The following CHMP1A variants were observed in gnomAD, a reference collection of about 807,000 sequenced individuals.
CHMP1A encodes the protein VPS46 homolog A.
Under a neutral mutation model 27.0 loss-of-function variants are expected in CHMP1A, and 17 were observed. The observed-to-expected ratio is 0.63, with a 90% confidence interval of 0.43 to 0.95. CHMP1A has a LOEUF of 0.95. Ranked by LOEUF, CHMP1A falls within the 40% of genes least tolerant of loss-of-function variation. CHMP1A has a pLI of 0.00. For missense variants in CHMP1A, 275 were observed against 264.0 expected (o/e 1.04, Z -0.29); for synonymous variants, 131 against 107.5 (o/e 1.22, Z -1.35).
intron 1 of CHMP1A, among the ~76,000 whole-genome samples, chr16:89,656,525 T>C (rs1038139638): frequency 7.2e-5 from 11 of 152,262 alleles, no homozygotes; most frequent in Admixed American, 4.6e-4. Flanking sequence ...AGATTCTTCC[T>C]GTTCTTTGGT....
rs777860012 is a variant in CHMP1A at position 89,656,426 on chromosome 16, C to T, written c.7+1156G>A. Among the ~76,000 whole-genome samples, 10 of 152,242 alleles carry T rather than the reference C, an allele frequency of 6.6e-5. No individual in the cohort carries two copies. In the South Asian group the frequency reaches 8.3e-4, roughly 13 times the overall value. On this transcript the variant is annotated intron_variant, in intron 1 of 6. Transcript: ENST00000397901. The stretch of plus-strand genomic sequence containing the variant: ...TGCTGGGATTACAGGCGTGAGCCAC[C>T]GCGCCCAGCCCTTCAAAAAGTATTT...
intron 4 of CHMP1A, chr16:89,649,043 A>T (rs2059803607): frequency 3.3e-6 from 1 of 305,562 alleles, no homozygotes; most frequent in African/African-American, 2.2e-5. Flanking sequence ...ATATTTAAAA[A>T]AAAAAAAGCC....
rs1248258367 is a variant in CHMP1A at position 89,651,568 on chromosome 16, C to A, written c.105+1G>T. On this transcript the variant is annotated splice_donor_variant, in intron 3 of 6. Transcript: ENST00000397901. LOFTEE classifies it high-confidence loss of function. Reference sequence around the variant, plus strand: ...TGACCCCACAGCCCCCAGGGTCTCACCTTCTTCACTTTGGCCTGCTCCGCC... The same window carrying A: ...TGACCCCACAGCCCCCAGGGTCTCAACTTCTTCACTTTGGCCTGCTCCGCC... 6.2e-7 allele frequency: 1 copy of A among 1,613,646 alleles called. No homozygotes were observed. The highest frequency in any genetic ancestry group is 8.5e-7 in the Non-Finnish European group (1 of 1,179,712).
Position 89,651,815 on chromosome 16 carries a change from G to A in CHMP1A, c.28-169C>T, listed in dbSNP as rs12599306. Among the ~76,000 whole-genome samples, 3,654 of 152,324 alleles carry A rather than the reference G, an allele frequency of 0.024. 670 individuals carry two copies. In the East Asian group the frequency reaches 0.5, roughly 21 times the overall value. On this transcript the variant is annotated intron_variant, in intron 2 of 6. Transcript: ENST00000397901. ...CAGGGAAGGCGTGAAGCCTGTGGGC[G>A]TGCATCCTGGGCGGCGAGAGATGGC...
At chr16:89,657,012 G>C (rs1428081631) in intron 1 of CHMP1A, among the ~76,000 whole-genome samples, 7 of 150,076 alleles carry the variant, frequency 4.7e-5, no homozygotes, top group Non-Finnish European at 8.9e-5. Context: ...ACCGGGTTGA[G>C]ATTTGGGGAT....
At chr16:89,654,072 C>A (rs188593506) in intron 1 of CHMP1A, 149 bp from the exon 2 acceptor site, 67 of 836,806 alleles carry the variant, frequency 8.0e-5, no homozygotes, top group East Asian at 2.2e-4. Context: ...GGAGCCCCCC[C>A]CAACAGGGGA....
rs2059844967 is a variant in CHMP1A at position 89,654,026 on chromosome 16, A to T, written c.8-103T>A. ...TTCCTTCTAGACACCAGGAGCTAGAACACACACACAGACCACACCTGCCTG... is the reference window on the plus strand; with the variant it reads ...TTCCTTCTAGACACCAGGAGCTAGATCACACACACAGACCACACCTGCCTG... On this transcript the variant is annotated intron_variant, in intron 1 of 6. Coordinates refer to ENST00000397901, the MANE Select transcript of CHMP1A (RefSeq NM_002768.5). The T allele has an allele frequency of 1.6e-5, 19 of 1,218,558 alleles. No individual in the cohort carries two copies. In the Admixed American group the frequency reaches 3.2e-4, roughly 21 times the overall value. The allele number at this position is 1,218,558 out of a possible 1,614,324, so 75.5% of individuals were successfully genotyped here.
At chr16:89,650,130 T>C (rs571889434) in intron 3 of CHMP1A, among the ~76,000 whole-genome samples, 19 of 152,308 alleles carry the variant, frequency 1.2e-4, no homozygotes, top group African/African-American at 4.6e-4. Flanking sequence ...TGGGACCTAC[T>C]TCACCGATTA....
Position 89,657,706 on chromosome 16 carries a change from GC to G in CHMP1A, c.-119del. On this transcript the variant is annotated 5_prime_UTR_variant, in exon 1 of 7. Coordinates refer to ENST00000397901, the MANE Select transcript of CHMP1A (RefSeq NM_002768.5). ...GCACCCGGCGGGGACTTCCGGGGTC[GC>G]CGCCCCACTTCCGGTCGCACGGGAT... 1 of 1,551,190 alleles carries G rather than the reference GC, an allele frequency of 6.4e-7. No individual in the cohort carries two copies. The highest frequency in any genetic ancestry group is 8.7e-7 in the Non-Finnish European group (1 of 1,150,800).
intron 3 of CHMP1A, among the ~76,000 whole-genome samples, chr16:89,651,120 G>C (rs1262808028): frequency 2.0e-5 from 3 of 152,264 alleles, no homozygotes; most frequent in South Asian, 4.1e-4. Context: ...GCTCATGCCT[G>C]CAATACCAGC....
intron 1 of CHMP1A, among the ~76,000 whole-genome samples, chr16:89,654,513 A>G (rs1199575637): frequency 6.6e-6 from 1 of 152,134 alleles, no homozygotes; most frequent in Non-Finnish European, 1.5e-5. Flanking sequence ...GACATCAAAG[A>G]GCTGATTTCC....
chr16:89,656,228 C>T (rs193251524), intron 1 of CHMP1A, among the ~76,000 whole-genome samples: 18 of 152,296 alleles, frequency 1.2e-4, no homozygotes, highest in Admixed American at 6.5e-4. Flanking sequence ...GCTCCGCCTC[C>T]CGGGTTCACG....
chr16:89,651,964 T>A (rs2059827876), intron 2 of CHMP1A, among the ~76,000 whole-genome samples: 1 of 152,186 alleles, frequency 6.6e-6, no homozygotes, highest in Non-Finnish European at 1.5e-5. Context: ...CAAAAACCTC[T>A]CACTCTGATC....
chr16:89,647,608 A>ACCGCTGTGCCCTCCTGG (rs1568000367), intron 4 of CHMP1A, among the ~76,000 whole-genome samples: 1 of 129,974 alleles, frequency 7.7e-6, no homozygotes, highest in African/African-American at 2.8e-5. Context: ...CGACGTGGAG[A>ACCGCTGTGCCCTCCTGG]CCCAGTGCGG....
At chr16:89,646,794 C>A in intron 5 of CHMP1A, 80 bp from the exon 6 acceptor site, 15 of 1,439,508 alleles carry the variant, frequency 1.0e-5, no homozygotes, top group Non-Finnish European at 1.4e-5. Flanking sequence ...GGTACGACTG[C>A]ACTTTTCGTT....
chr16:89,657,470 C>A, intron 1 of CHMP1A, 112 bp downstream of exon 1: 1 of 1,373,916 alleles, frequency 7.3e-7, no homozygotes, highest in Non-Finnish European at 1.0e-6. Flanking sequence ...ACGGTCGAGG[C>A]CCGAGCTCTC....
In CHMP1A at chr16:89,647,260, G is replaced by A; in HGVS notation, c.324C>T (p.Val108=). The part of the protein sequence containing the change: ...KALSTMDLQK[V]SSVMDRFEQQ... ...GCTCGAACCTGTCCATCACTGAGGA[G>A]ACCTTCTGCAGGTCCATGGTGCTCA... The change falls in exon 5 of 7, where the codon GTC becomes GTT. Residue 108 remains valine, a synonymous_variant. Coordinates refer to ENST00000397901, the MANE Select transcript of CHMP1A (RefSeq NM_002768.5). The A allele has an allele frequency of 4.3e-6, 7 of 1,611,074 alleles. No homozygotes were observed. Among genetic ancestry groups the A allele is most frequent in the Non-Finnish European group, 5.1e-6 (6 of 1,178,892 alleles).
chr16:89,650,286 C>T (rs1456327670), intron 3 of CHMP1A, among the ~76,000 whole-genome samples: 1 of 151,958 alleles, frequency 6.6e-6, no homozygotes, highest in African/African-American at 2.4e-5. Flanking sequence ...TCAAGCAATT[C>T]TCCCGCCTCA....
intron 3 of CHMP1A, among the ~76,000 whole-genome samples, chr16:89,650,396 G>A (rs2059814624): frequency 1.3e-5 from 2 of 152,124 alleles, no homozygotes; most frequent in Admixed American, 1.3e-4. Flanking sequence ...GACCCCTCCT[G>A]GAGAGGCACC....
Sources: allele counts gnomAD v4.1 joint callset (sites outside exome capture counted in the v4.1 genomes callset), GRCh38; gene constraint gnomAD v4.1.1; transcripts MANE v1.5; gene names NCBI Gene and HGNC (gene_info 2026-07-23, HGNC 2026-07-21).